CUX1: variants seen among roughly 807,000 people sequenced by gnomAD.
CUX1 encodes the protein protein CASP.
A neutral mutation model predicts 158.8 loss-of-function variants in CUX1; 31 were observed. The ratio of observed to expected loss-of-function variants is 0.20; its 90% CI spans 0.15 to 0.26. The LOEUF (loss-of-function observed/expected upper bound fraction) is 0.26, where lower values mean the gene tolerates loss of function less well. CUX1 is among the 10% of genes least tolerant of loss of function. The pLI, the probability that CUX1 is intolerant of heterozygous loss-of-function variation, is 1.00. For synonymous variants in CUX1, 879 were observed against 862.1 expected (o/e 1.02, Z -0.34); for missense variants, 1,589 against 2,014.6 (o/e 0.79, Z 4.04).
At chr7:101,927,146 CAACA>C (rs1419674605) in intron 2 of CUX1, among the ~76,000 whole-genome samples, 2 of 85,704 alleles carry the variant, frequency 2.3e-5, no homozygotes, top group African/African-American at 7.4e-5. Flanking sequence ...CCTGTCAACA[CAACA>C]CACACACACA....
chr7:102,004,007 A>G (rs1365197837), intron 2 of CUX1, among the ~76,000 whole-genome samples: 2 of 152,176 alleles, frequency 1.3e-5, no homozygotes, highest in Non-Finnish European at 2.9e-5. Context: ...TATAAATTTT[A>G]TAAAGATGTT....
chr7:101,962,139 C>T (rs1240187515), intron 2 of CUX1, among the ~76,000 whole-genome samples: 1 of 151,950 alleles, frequency 6.6e-6, no homozygotes, highest in Non-Finnish European at 1.5e-5. Flanking sequence ...TATAAACTAA[C>T]AGTAACAGCA....
intron 14 of CUX1, among the ~76,000 whole-genome samples, chr7:102,272,254 C>T (rs1317211123): frequency 7.2e-5 from 11 of 152,210 alleles, no homozygotes; most frequent in African/African-American, 2.7e-4. Context: ...CCCATCCTGG[C>T]CCAGGACACT....
chr7:102,126,179 G>GTGTGTT (rs1832619908), intron 8 of CUX1, among the ~76,000 whole-genome samples: 1 of 140,816 alleles, frequency 7.1e-6, no homozygotes, highest in African/African-American at 2.7e-5. Context: ...ATTTCCGGCT[G>GTGTGTT]TGTGTGTGTG....
chr7:102,281,806 G>A (rs1173422918), intron 20 of CUX1: 4 of 1,463,988 alleles, frequency 2.7e-6, no homozygotes, highest in African/African-American at 1.4e-5. Flanking sequence ...GGTGAGGCCG[G>A]CCCCATCCCC....
chr7:102,079,728 A>G (rs1554477923), intron 4 of CUX1, among the ~76,000 whole-genome samples: 1 of 152,256 alleles, frequency 6.6e-6, no homozygotes, highest in South Asian at 2.1e-4. Context: ...AAACATTTTC[A>G]TTCATGTGAT....
intron 1 of CUX1, among the ~76,000 whole-genome samples, chr7:101,868,883 G>A (rs1235789177): frequency 1.3e-5 from 2 of 152,154 alleles, no homozygotes; most frequent in Non-Finnish European, 2.9e-5. Context: ...AGGGCCTTGC[G>A]CACTGATGCT....
intron 8 of CUX1, among the ~76,000 whole-genome samples, chr7:102,126,757 C>T (rs781961744): frequency 2.6e-5 from 4 of 152,044 alleles, no homozygotes; most frequent in South Asian, 2.1e-4. Flanking sequence ...CAGTGGGGGG[C>T]GCGGTTCAGG....
At chr7:101,872,526 G>T (rs1261971074) in intron 1 of CUX1, among the ~76,000 whole-genome samples, 1 of 143,650 alleles carries the variant, frequency 7.0e-6, no homozygotes, top group Non-Finnish European at 1.5e-5. Context: ...TAGAGTGGGG[G>T]CTTCTATGAT....
chr7:102,277,933 G>GGCC, intron 17 of CUX1: 1 of 799,648 alleles, frequency 1.3e-6, no homozygotes, highest in Non-Finnish European at 1.8e-6. Context: ...CCCTTTCCTT[G>GGCC]CCCCTCCCCC....
chr7:101,855,282 C>G (rs1226056513), intron 1 of CUX1, among the ~76,000 whole-genome samples: 1 of 152,228 alleles, frequency 6.6e-6, no homozygotes, highest in Non-Finnish European at 1.5e-5. Flanking sequence ...CCCTGTAGCC[C>G]TTCCAGTTGC....
chr7:101,846,641 A>G (rs1795723455), intron 1 of CUX1, among the ~76,000 whole-genome samples: 1 of 152,122 alleles, frequency 6.6e-6, no homozygotes, highest in South Asian at 2.1e-4. Flanking sequence ...CTCCTTTCTT[A>G]CACGTAGTTC....
At chr7:102,236,438 C>T (rs1311323002) in intron 22 of CUX1, among the ~76,000 whole-genome samples, 1 of 152,150 alleles carries the variant, frequency 6.6e-6, no homozygotes, top group African/African-American at 2.4e-5. Flanking sequence ...ACTTATTTTT[C>T]GTTTTGTTTT....
intron 3 of CUX1, among the ~76,000 whole-genome samples, chr7:102,043,724 C>A (rs768038804): frequency 5.9e-5 from 9 of 152,146 alleles, no homozygotes; most frequent in South Asian, 2.1e-4. Context: ...ATACTGATTT[C>A]AATCCCTTTG....
chr7:102,114,646 G>A (rs1039732951), intron 7 of CUX1, among the ~76,000 whole-genome samples: 1 of 152,212 alleles, frequency 6.6e-6, no homozygotes, highest in Admixed American at 6.5e-5. Flanking sequence ...GGGAGGCCAA[G>A]GTGGGAGGAT....
intron 3 of CUX1, among the ~76,000 whole-genome samples, chr7:102,061,934 A>G (rs1219974596): frequency 6.6e-6 from 1 of 152,142 alleles, no homozygotes; most frequent in African/African-American, 2.4e-5. Flanking sequence ...GTAACAAACA[A>G]ACTGCTACAA....
At chr7:102,235,613 A>G (rs1179345600) in intron 22 of CUX1, among the ~76,000 whole-genome samples, 2 of 151,688 alleles carry the variant, frequency 1.3e-5, no homozygotes, top group Non-Finnish European at 2.9e-5. Context: ...GAGGCAGGAG[A>G]ATCGCTTGAA....
At chr7:102,122,783 C>G (rs1478294856) in intron 8 of CUX1, among the ~76,000 whole-genome samples, 1 of 152,162 alleles carries the variant, frequency 6.6e-6, no homozygotes, top group African/African-American at 2.4e-5. Flanking sequence ...TTACTCCTCT[C>G]CTTCATTGAT....
At chr7:101,927,980 C>G (rs932775022) in intron 2 of CUX1, among the ~76,000 whole-genome samples, 1 of 152,186 alleles carries the variant, frequency 6.6e-6, no homozygotes, top group Non-Finnish European at 1.5e-5. Flanking sequence ...GCTGAAACGT[C>G]AACAAGGCCG....
Sources: gnomAD v4.1 joint callset for allele counts (sites outside exome capture counted in the v4.1 genomes callset) on GRCh38, gnomAD v4.1.1 for gene constraint, MANE v1.5 for transcripts, NCBI Gene and HGNC (gene_info 2026-07-23, HGNC 2026-07-21) for gene names.